The following RPS6KB1 variants were observed in gnomAD, a reference collection of about 807,000 sequenced individuals.
The protein encoded by RPS6KB1 is ribosomal protein S6 kinase B1, also known as ribosomal protein S6 kinase beta-1.
Under a neutral mutation model 70.2 loss-of-function variants are expected in RPS6KB1, and 12 were observed. The ratio of observed to expected loss-of-function variants is 0.17; its 90% CI spans 0.11 to 0.28. The LOEUF (loss-of-function observed/expected upper bound fraction) is 0.28, where lower values mean the gene tolerates loss of function less well. Among genes scored for constraint, RPS6KB1 ranks in the 10% least tolerant of loss-of-function variants. The pLI is 1.00. For missense variants in RPS6KB1, 270 were observed against 646.6 expected (o/e 0.42, Z 6.32); for synonymous variants, 175 against 211.2 (o/e 0.83, Z 1.49).
At chr17:59,914,799 T>C (rs1401640732) in intron 4 of RPS6KB1, 96 bp downstream of exon 4, 1 of 1,005,504 alleles carries the variant, frequency 9.9e-7, no homozygotes, top group East Asian at 2.4e-5. Flanking sequence ...TATTTTTAAT[T>C]GTTGTAACAT....
chr17:59,946,973 T>G lies in RPS6KB1; in HGVS notation c.*185T>G. 2 of 1,427,512 alleles carry G rather than the reference T, an allele frequency of 1.4e-6. No homozygotes were observed. Among genetic ancestry groups the G allele is most frequent in the Non-Finnish European group, 1.8e-6 (2 of 1,093,430 alleles). The allele number at this position is 1,427,512 out of a possible 1,614,324, so 88.4% of individuals were successfully genotyped here. On this transcript the variant is annotated 3_prime_UTR_variant, in exon 15 of 15. Transcript: ENST00000225577. This position sits in a 1 kb window ranked among gnomAD's most constrained non-coding sequence, Gnocchi z 4.2. ...TCAATCAATGGTGCAAAAAAAAACT[T>G]AAAGCAAAATAGTATTGCTGAACTC...
At chr17:59,914,464 A>G (rs1012863577) in intron 3 of RPS6KB1, among the ~76,000 whole-genome samples, 171 bp from the exon 4 acceptor site, 1 of 152,238 alleles carries the variant, frequency 6.6e-6, no homozygotes, top group Admixed American at 6.5e-5. Flanking sequence ...TGGCAGCAGA[A>G]CAAACAGGAA....
chr17:59,946,985 G>C lies in RPS6KB1; in HGVS notation c.*197G>C, dbSNP rs112530345. 1.0e-4 allele frequency: 144 copies of C among 1,412,668 alleles called. 1 individual carries two copies. The African/African-American group carries it at 1.9e-3, about 18-fold the overall frequency. The allele number at this position is 1,412,668 out of a possible 1,614,324, so 87.5% of individuals were successfully genotyped here. On this transcript the variant is annotated 3_prime_UTR_variant, in exon 15 of 15. Transcript: ENST00000225577. The surrounding 1 kb of genome is among the most constrained non-coding windows in gnomAD (Gnocchi z 4.2). Reference sequence around the variant, plus strand: ...GCAAAAAAAAACTTAAAGCAAAATAGTATTGCTGAACTCTTAGGCACATCA... The same window carrying C: ...GCAAAAAAAAACTTAAAGCAAAATACTATTGCTGAACTCTTAGGCACATCA...
At chr17:59,899,259 G>A (rs543261658) in intron 1 of RPS6KB1, among the ~76,000 whole-genome samples, 14 of 151,878 alleles carry the variant, frequency 9.2e-5, no homozygotes, top group African/African-American at 2.4e-4. Context: ...TTGTCAGTAT[G>A]TATTACATAA....
intron 10 of RPS6KB1, 48 bp downstream of exon 10, chr17:59,935,348 A>C: frequency 1.1e-6 from 1 of 949,308 alleles, no homozygotes; most frequent in Non-Finnish European, 1.7e-6. Flanking sequence ...AATGACTAGG[A>C]TTTAACTAGA....
At chr17:59,912,231 G>T in intron 2 of RPS6KB1, 1 of 217,828 alleles carries the variant, frequency 4.6e-6, no homozygotes, top group South Asian at 6.9e-5. Flanking sequence ...AGTCACCCAT[G>T]AAAATTCAAT....
intron 1 of RPS6KB1, among the ~76,000 whole-genome samples, chr17:59,906,746 G>A (rs1312571700): frequency 2.6e-5 from 4 of 152,100 alleles, no homozygotes; most frequent in African/African-American, 9.7e-5. Flanking sequence ...CTGGGCTGGA[G>A]TGCAATGGTG....
chr17:59,937,955 T>G (rs1175964780), intron 12 of RPS6KB1, among the ~76,000 whole-genome samples: 1 of 152,104 alleles, frequency 6.6e-6, no homozygotes, highest in Non-Finnish European at 1.5e-5. Flanking sequence ...AGGAGGAGGA[T>G]GATGATGGTG....
intron 7 of RPS6KB1, 133 bp downstream of exon 7, chr17:59,931,855 C>T (rs932788139): frequency 5.0e-5 from 31 of 616,266 alleles, no homozygotes; most frequent in Non-Finnish European, 6.6e-5. Context: ...TTCATGGCAT[C>T]ATAGTACTTG....
At chr17:59,908,462 A>G (rs900883458) in intron 1 of RPS6KB1, among the ~76,000 whole-genome samples, 3 of 150,368 alleles carry the variant, frequency 2.0e-5, no homozygotes, top group Admixed American at 6.6e-5. Flanking sequence ...CGGCCTCCCA[A>G]AGTGCTGGGA....
intron 1 of RPS6KB1, among the ~76,000 whole-genome samples, chr17:59,904,550 C>T (rs933470387): frequency 6.7e-5 from 10 of 150,270 alleles, no homozygotes; most frequent in Admixed American, 6.7e-5. Context: ...CCCATCACCA[C>T]GCCCAGCTAG....
chr17:59,920,374 G>A (rs1241342235), intron 4 of RPS6KB1, among the ~76,000 whole-genome samples: 1 of 152,120 alleles, frequency 6.6e-6, no homozygotes, highest in African/African-American at 2.4e-5. Flanking sequence ...CAATCAAAGT[G>A]ACTTTTTAAA....
chr17:59,914,836 A>G, intron 4 of RPS6KB1, 133 bp downstream of exon 4: 1 of 704,162 alleles, frequency 1.4e-6, no homozygotes, highest in Non-Finnish European at 2.4e-6. Flanking sequence ...CAGTCAAAAA[A>G]ATGTATCTCA....
At position 59,934,391 on chromosome 17, in the gene RPS6KB1, G is replaced by A; in HGVS notation, c.780-43G>A. ...TTTAAAATTCTAATTCAGATGATAT[G>A]CAAATGGGTGAATTTTTAAGCATAT... On this transcript the variant is annotated intron_variant, in intron 8 of 14. Transcript: ENST00000225577. The surrounding 1 kb of genome is among the most constrained non-coding windows in gnomAD (Gnocchi z 4.8). 1 of 1,554,540 alleles carries A rather than the reference G, an allele frequency of 6.4e-7. No homozygotes were observed. The highest frequency in any genetic ancestry group is 8.9e-7 in the Non-Finnish European group (1 of 1,126,358).
At chr17:59,941,014 G>C (rs2044545089) in intron 13 of RPS6KB1, 71 bp downstream of exon 13, 1 of 941,280 alleles carries the variant, frequency 1.1e-6, no homozygotes, top group East Asian at 2.5e-5. Context: ...AGAAAATTCA[G>C]TTTGCTTGCT....
intron 7 of RPS6KB1, among the ~76,000 whole-genome samples, chr17:59,932,926 A>G (rs2044013075): frequency 2.0e-5 from 3 of 152,114 alleles, no homozygotes; most frequent in Non-Finnish European, 4.4e-5. Flanking sequence ...AATCTATACA[A>G]CTATAGATAT....
At chr17:59,894,767 G>A (rs2041423718) in intron 1 of RPS6KB1, among the ~76,000 whole-genome samples, 3 of 151,914 alleles carry the variant, frequency 2.0e-5, no homozygotes. Flanking sequence ...ACCACATCTG[G>A]CTAATTTTTG....
chr17:59,910,601 C>T lies in RPS6KB1; in HGVS notation c.181C>T (p.Pro61Ser), dbSNP rs1047107646. Reference sequence around the variant, plus strand: ...AAGCATGGACCATGGGGGAGTTGGACCATATGAACTGTAAGTTTATATGAA... The same window carrying T: ...AAGCATGGACCATGGGGGAGTTGGATCATATGAACTGTAAGTTTATATGAA... The part of the protein sequence containing the change: ...NESMDHGGVG[P>S]YELGMEHCEK... The change falls in exon 2 of 15, where the codon CCA becomes TCA. Residue 61 changes from proline (P) to serine (S), a missense_variant. By Grantham distance (74) the Pro-to-Ser change is moderately conservative. This residue lies in a region of RPS6KB1 where 72 missense variants were observed against 93.4 expected (regional missense o/e 0.77). Coordinates refer to ENST00000225577, the MANE Select transcript of RPS6KB1 (RefSeq NM_003161.4). 2.5e-6 allele frequency: 4 copies of T among 1,583,172 alleles called. No homozygotes were observed. Among genetic ancestry groups the T allele is most frequent in the Non-Finnish European group, 3.4e-6 (4 of 1,160,408 alleles).
At position 59,934,786 on chromosome 17, in the gene RPS6KB1, G is replaced by A. The variant is rs2044136938; in HGVS notation, c.870+262G>A. ...ATAATGCCCTTATTTTATAAATGGA[G>A]AAATTGAAGCATAAAATCACATAGC... is the stretch of plus-strand genomic sequence containing the variant. On this transcript the variant is annotated intron_variant, in intron 9 of 14. Coordinates refer to ENST00000225577, the MANE Select transcript of RPS6KB1 (RefSeq NM_003161.4). This position sits in a 1 kb window ranked among gnomAD's most constrained non-coding sequence, Gnocchi z 4.8. 2 of 437,246 alleles carry A rather than the reference G, an allele frequency of 4.6e-6. No homozygotes were observed. The highest frequency in any genetic ancestry group is 8.1e-6 in the Non-Finnish European group (2 of 246,768). 27.1% of individuals were successfully genotyped at this position (437,246 alleles called of 1,614,324 possible).
Sources: gnomAD v4.1 joint callset for allele counts (sites outside exome capture counted in the v4.1 genomes callset) on GRCh38, gnomAD v4.1.1 for gene constraint, gnomAD v4.1.1 regional missense constraint, Gnocchi (gnomAD v3.1) non-coding constraint, MANE v1.5 for transcripts, NCBI Gene and HGNC (gene_info 2026-07-23, HGNC 2026-07-21) for gene names.